The following ABCA3 variants were observed in gnomAD, a reference collection of about 807,000 sequenced individuals.
ABCA3 encodes the protein ATP binding cassette subfamily A member 3.
ABCA3 carries 88 observed loss-of-function variants against 172.8 expected under a neutral mutation model. The observed-to-expected ratio is 0.51, with a 90% CI of 0.43 to 0.61. ABCA3 has a LOEUF of 0.61. Ranked by LOEUF, ABCA3 falls within the 20% of genes least tolerant of loss-of-function variation. ABCA3 has a pLI of 0.00. For missense variants in ABCA3, 2,164 were observed against 2,301.0 expected (o/e 0.94, Z 1.22); for synonymous variants, 1,066 against 983.8 (o/e 1.08, Z -1.56).
intron 1 of ABCA3, chr16:2,332,518 G>A (rs1286245538): frequency 6.2e-6 from 6 of 971,392 alleles, no homozygotes; most frequent in South Asian, 2.7e-5. Flanking sequence ...ATAAATCTGG[G>A]CCACATGACC....
intron 26 of ABCA3, among the ~76,000 whole-genome samples, chr16:2,282,965 C>T (rs1297946759): frequency 1.3e-5 from 2 of 152,244 alleles, no homozygotes. Context: ...CAGGCTGACT[C>T]CTCGGCAGGG....
chr16:2,289,533 G>C lies in ABCA3; in HGVS notation c.2601C>G (p.Asp867Glu), dbSNP rs1360840087. Residue 867 changes from aspartate (D) to glutamate (E), a missense_variant, in exon 20 of 33, where the codon GAC becomes GAG. By Grantham distance (45) the Asp-to-Glu change is conservative (BLOSUM62 2). This residue lies in a region of ABCA3 where 1,343 missense variants were observed against 1,369.6 expected (regional missense o/e 0.98). Coordinates refer to ENST00000301732, the MANE Select transcript of ABCA3 (RefSeq NM_001089.3). ...CACAGAGGTTGCTGTCCACAGCCCAGTCGCTGGCGCGCCTCTCGTGCTGGT... is the reference window on the plus strand; with the variant it reads ...CACAGAGGTTGCTGTCCACAGCCCACTCGCTGGCGCGCCTCTCGTGCTGGT... ...LQYQHERRASDWAVDSNLCGA... is the reference protein window; with the variant it reads ...LQYQHERRASEWAVDSNLCGA... The C allele has an allele frequency of 5.1e-6, 8 of 1,579,272 alleles. No individual in the cohort carries two copies. Among genetic ancestry groups the C allele is most frequent in the African/African-American group, 1.3e-5 (1 of 74,746 alleles).
In ABCA3 at chr16:2,304,025, C is replaced by T; in HGVS notation, c.1411G>A (p.Glu471Lys). 6.2e-7 allele frequency: 1 copy of T among 1,614,204 alleles called. No individual in the cohort carries two copies. Among genetic ancestry groups the T allele is most frequent in the South Asian group, 1.1e-5 (1 of 91,082 alleles). The change falls in exon 12 of 33, where the codon GAG becomes AAG. Residue 471 changes from glutamate (E) to lysine (K), a missense_variant. By Grantham distance (56) the Glu-to-Lys change is moderately conservative. This residue lies in a region of ABCA3 where 1,343 missense variants were observed against 1,369.6 expected (regional missense o/e 0.98). Transcript: ENST00000301732. ...VLYGLVTWYM[E>K]AVFPGQFGVP... ...CCGAACTGCCCTGGGAAGACGGCCT[C>T]CATGTACCAGGTCACCAGGCCATAG...
intron 10 of ABCA3, among the ~76,000 whole-genome samples, chr16:2,316,158 A>G (rs1025622227): frequency 6.1e-5 from 9 of 148,168 alleles, no homozygotes; most frequent in Non-Finnish European, 1.2e-4. Context: ...AAAAAAAAAA[A>G]AAAGCTAGGT....
At chr16:2,311,136 GCTAAT>G (rs1380016293) in intron 10 of ABCA3, among the ~76,000 whole-genome samples, 1 of 151,908 alleles carries the variant, frequency 6.6e-6, no homozygotes, top group African/African-American at 2.4e-5. Flanking sequence ...ACCACACCCA[GCTAAT>G]TTTTGTATTT....
chr16:2,314,501 G>A (rs2093711708), intron 10 of ABCA3, among the ~76,000 whole-genome samples: 2 of 151,950 alleles, frequency 1.3e-5, no homozygotes, highest in South Asian at 2.1e-4. Context: ...TTTCAGTCGG[G>A]AAACATGAAA....
At chr16:2,321,019 C>A (rs2093725255) in intron 7 of ABCA3, among the ~76,000 whole-genome samples, 1 of 130,884 alleles carries the variant, frequency 7.6e-6, no homozygotes, top group Non-Finnish European at 1.6e-5. Context: ...ACCATTAGGT[C>A]TTTTCGTGTC....
chr16:2,298,825 C>T (rs924594151), intron 14 of ABCA3, among the ~76,000 whole-genome samples: 1 of 152,220 alleles, frequency 6.6e-6, no homozygotes, highest in Admixed American at 6.5e-5. Context: ...CCCCGGGTCC[C>T]AGCCTGTGCC....
At chr16:2,310,530 T>TTC (rs1376019198) in intron 10 of ABCA3, among the ~76,000 whole-genome samples, 1 of 151,712 alleles carries the variant, frequency 6.6e-6, no homozygotes, top group East Asian at 1.9e-4. Flanking sequence ...TTTTTTTTTT[T>TTC]TTCTGAGACA....
At chr16:2,304,651 C>T (rs905501330) in intron 11 of ABCA3, among the ~76,000 whole-genome samples, 29 of 149,666 alleles carry the variant, frequency 1.9e-4, no homozygotes, top group African/African-American at 6.7e-4. Flanking sequence ...GGATTACAGG[C>T]GCATGCTGCC....
chr16:2,325,993 G>A lies in ABCA3; in HGVS notation c.319+17C>T. 2.5e-6 allele frequency: 4 copies of A among 1,613,098 alleles called. No individual in the cohort carries two copies. Among genetic ancestry groups the A allele is most frequent in the East Asian group, 2.2e-5 (1 of 44,874 alleles). Reference sequence around the variant, plus strand: ...GGCACCACTAGGCCTGGCACCGAGAGCCCCGGCATGTCTCACCTCGCATGT... The same window carrying A: ...GGCACCACTAGGCCTGGCACCGAGAACCCCGGCATGTCTCACCTCGCATGT... On this transcript the variant is annotated intron_variant, in intron 5 of 32. Transcript: ENST00000301732.
chr16:2,298,067 G>T (rs1355670767), intron 15 of ABCA3, 146 bp from the exon 16 acceptor site: 1 of 808,694 alleles, frequency 1.2e-6, no homozygotes. Flanking sequence ...GGCCAGCAAG[G>T]TTCTGGTGAG....
At chr16:2,290,063 A>C (rs1388110821) in intron 19 of ABCA3, among the ~76,000 whole-genome samples, 1 of 150,356 alleles carries the variant, frequency 6.7e-6, no homozygotes, top group Non-Finnish European at 1.5e-5. Flanking sequence ...GGCAGGAGGC[A>C]CCCCCCGGCT....
At chr16:2,313,680 G>C (rs957851141) in intron 10 of ABCA3, among the ~76,000 whole-genome samples, 4 of 151,832 alleles carry the variant, frequency 2.6e-5, no homozygotes, top group African/African-American at 9.7e-5. Flanking sequence ...GGAGGTGGGA[G>C]GATCACTTGA....
At chr16:2,315,952 G>C (rs2093714752) in intron 10 of ABCA3, among the ~76,000 whole-genome samples, 1 of 146,066 alleles carries the variant, frequency 6.8e-6, no homozygotes, top group African/African-American at 2.5e-5. Context: ...TAAAGTGCTA[G>C]GATTACAGGT....
At chr16:2,327,738 G>T (rs1036034361) in intron 3 of ABCA3, among the ~76,000 whole-genome samples, 2 of 151,286 alleles carry the variant, frequency 1.3e-5, no homozygotes, top group East Asian at 1.9e-4. Context: ...TGTTTTTTTT[G>T]GAAACAGAGT....
At chr16:2,329,199 TAATA>T (rs2093739269) in intron 2 of ABCA3, among the ~76,000 whole-genome samples, 2 of 152,194 alleles carry the variant, frequency 1.3e-5, no homozygotes, top group Non-Finnish European at 2.9e-5. Flanking sequence ...AGGGGCAACT[TAATA>T]AATTATCCCA....
chr16:2,306,130 T>C (rs570654397), intron 11 of ABCA3, among the ~76,000 whole-genome samples: 3 of 152,014 alleles, frequency 2.0e-5, no homozygotes, highest in East Asian at 1.9e-4. Flanking sequence ...CACAGGAGGA[T>C]TGCTTGAGGC....
chr16:2,281,577 G>A lies in ABCA3; in HGVS notation c.4036-68C>T, dbSNP rs1390168631. Reference sequence around the variant, plus strand: ...AGGGCGGCTTCCGTGGAGAAGGGAGGGGCGGGGGTGGATGTGGGAGGTCTG... The same window carrying A: ...AGGGCGGCTTCCGTGGAGAAGGGAGAGGCGGGGGTGGATGTGGGAGGTCTG... On this transcript the variant is annotated intron_variant, in intron 26 of 32. Transcript: ENST00000301732. This position sits in a 1 kb window ranked among gnomAD's most constrained non-coding sequence, Gnocchi z 4.7. 8 of 1,506,568 alleles carry A rather than the reference G, an allele frequency of 5.3e-6. No individual in the cohort carries two copies. The highest frequency in any genetic ancestry group is 7.3e-6 in the Non-Finnish European group (8 of 1,094,572). The allele number at this position is 1,506,568 out of a possible 1,614,324, so 93.3% of individuals were successfully genotyped here.
Sources: allele counts gnomAD v4.1 joint callset (sites outside exome capture counted in the v4.1 genomes callset), GRCh38; gene constraint gnomAD v4.1.1; regional missense constraint gnomAD v4.1.1; non-coding constraint Gnocchi (gnomAD v3.1); transcripts MANE v1.5; gene names NCBI Gene and HGNC (gene_info 2026-07-23, HGNC 2026-07-21).